NFATC2: variants seen among roughly 807,000 people sequenced by gnomAD.
NFATC2 encodes the protein nuclear factor of activated T-cells, cytoplasmic 2.
A neutral mutation model predicts 87.3 loss-of-function variants in NFATC2; 22 were observed. The ratio of observed to expected loss-of-function variants is 0.25; its 90% CI spans 0.18 to 0.36. The LOEUF is 0.36. Among genes scored for constraint, NFATC2 ranks in the 10% least tolerant of loss-of-function variants. NFATC2 has a pLI of 1.00. For missense variants in NFATC2, 1,149 were observed against 1,259.1 expected, an observed-to-expected ratio of 0.91 and a Z score of 1.32; for synonymous variants, 565 against 542.2, an observed-to-expected ratio of 1.04 and a Z score of -0.58.
At chr20:51,503,957 C>T (rs906257257) in intron 3 of NFATC2, among the ~76,000 whole-genome samples, 1 of 152,196 alleles carries the variant, frequency 6.6e-6, no homozygotes, top group African/African-American at 2.4e-5. Flanking sequence ...AATTCTCCTG[C>T]CTCAGCCTGC....
At chr20:51,530,961 A>G (rs1436744779) in intron 1 of NFATC2, among the ~76,000 whole-genome samples, 2 of 152,214 alleles carry the variant, frequency 1.3e-5, no homozygotes, top group Non-Finnish European at 2.9e-5. Flanking sequence ...ATCAATAATT[A>G]TTATGAAGAT....
intron 9 of NFATC2, among the ~76,000 whole-genome samples, chr20:51,405,387 G>A (rs929237944): frequency 2.0e-5 from 3 of 151,916 alleles, no homozygotes; most frequent in South Asian, 2.1e-4. Flanking sequence ...CATTCACCTC[G>A]AGTTCCCAGG....
chr20:51,498,495 G>A (rs1238245567), intron 3 of NFATC2, among the ~76,000 whole-genome samples: 1 of 152,040 alleles, frequency 6.6e-6, no homozygotes, highest in African/African-American at 2.4e-5. Flanking sequence ...ATCAGGCTAT[G>A]GAAAAAAAGA....
At chr20:51,549,978 A>G (rs1159853730) in intron 1 of NFATC2, among the ~76,000 whole-genome samples, 1 of 152,234 alleles carries the variant, frequency 6.6e-6, no homozygotes, top group Non-Finnish European at 1.5e-5. Flanking sequence ...CTGATAGTGT[A>G]CAAGTGCTCC....
chr20:51,492,784 CGT>C (rs2075917457), intron 3 of NFATC2, among the ~76,000 whole-genome samples: 1 of 152,234 alleles, frequency 6.6e-6, no homozygotes, highest in Non-Finnish European at 1.5e-5. Flanking sequence ...TGTCAAGAGG[CGT>C]GATAAAGCAG....
chr20:51,502,657 G>T (rs1162367134), intron 3 of NFATC2, among the ~76,000 whole-genome samples: 1 of 152,092 alleles, frequency 6.6e-6, no homozygotes, highest in Non-Finnish European at 1.5e-5. Context: ...TTTTCTGATG[G>T]ATAGAGGAAG....
chr20:51,523,153 G>C lies in NFATC2; in HGVS notation c.1088C>G (p.Ser363Trp). ...GPCEQGERRN[S>W]APESILLVPP... ...AACCAGCAGGATGGATTCTGGAGCCGAGTTTCTCCTCTCGCCCTGCTCGCA... is the reference window on the plus strand; with the variant it reads ...AACCAGCAGGATGGATTCTGGAGCCCAGTTTCTCCTCTCGCCCTGCTCGCA... The change falls in exon 2 of 11, where the codon TCG becomes TGG. Residue 363 changes from serine (S) to tryptophan (W), a missense_variant. Ser to Trp is a radical substitution (Grantham distance 177). Transcript: ENST00000371564. This position sits in a 1 kb window ranked among gnomAD's most constrained non-coding sequence, Gnocchi z 6.9. 3 of 1,614,218 alleles carry C rather than the reference G, an allele frequency of 1.9e-6. No homozygotes were observed. The highest frequency in any genetic ancestry group is 2.5e-6 in the Non-Finnish European group (3 of 1,180,042).
chr20:51,544,414 C>T (rs2076872468), upstream of NFATC2, among the ~76,000 whole-genome samples: 1 of 152,102 alleles, frequency 6.6e-6, no homozygotes, highest in Non-Finnish European at 1.5e-5. Flanking sequence ...CGAATCCTTC[C>T]CCATGTGCCA....
intron 1 of NFATC2, among the ~76,000 whole-genome samples, chr20:51,552,020 C>A (rs1215105139): frequency 1.2e-5 from 1 of 85,920 alleles, no homozygotes; most frequent in Non-Finnish European, 2.1e-5. Flanking sequence ...GAGCGAGGCT[C>A]CATCTCAAAA....
intron 3 of NFATC2, among the ~76,000 whole-genome samples, chr20:51,508,891 G>A (rs1466052939): frequency 6.6e-6 from 1 of 151,948 alleles, no homozygotes; most frequent in African/African-American, 2.4e-5. Context: ...GGCCTCTGCA[G>A]CAGCTTCTCC....
At chr20:51,419,744 A>G (rs1442491797) in intron 9 of NFATC2, among the ~76,000 whole-genome samples, 1 of 152,234 alleles carries the variant, frequency 6.6e-6, no homozygotes, top group African/African-American at 2.4e-5. Context: ...TAACACCGCA[A>G]GGAGTATCTC....
intron 9 of NFATC2, among the ~76,000 whole-genome samples, chr20:51,409,721 G>GA (rs1978898263): frequency 6.6e-6 from 1 of 152,224 alleles, no homozygotes; most frequent in Admixed American, 6.5e-5. Flanking sequence ...CCACGTGTCA[G>GA]ACGACAGTAT....
At chr20:51,493,404 G>A (rs1440442629) in intron 3 of NFATC2, among the ~76,000 whole-genome samples, 2 of 152,146 alleles carry the variant, frequency 1.3e-5, no homozygotes, top group African/African-American at 2.4e-5. Context: ...GGGGATTGGC[G>A]ACCTCACATT....
intron 10 of NFATC2, among the ~76,000 whole-genome samples, chr20:51,396,601 C>A (rs1209303874): frequency 2.0e-5 from 3 of 152,138 alleles, no homozygotes; most frequent in African/African-American, 7.2e-5. Context: ...AGGCCATGGC[C>A]AGAAAGACAC....
chr20:51,547,826 G>A (rs1393620718), intron 1 of NFATC2, among the ~76,000 whole-genome samples: 2 of 152,090 alleles, frequency 1.3e-5, no homozygotes, highest in Non-Finnish European at 2.9e-5. Flanking sequence ...TGCACCAAAT[G>A]TAACCCAAAG....
chr20:51,420,240 T>C (rs1215908783), intron 9 of NFATC2, among the ~76,000 whole-genome samples: 3 of 152,166 alleles, frequency 2.0e-5, no homozygotes, highest in Admixed American at 2.0e-4. Context: ...GAATAGAATA[T>C]CACCATTTTA....
chr20:51,399,774 C>T (rs1987791562), intron 9 of NFATC2, among the ~76,000 whole-genome samples: 1 of 152,232 alleles, frequency 6.6e-6, no homozygotes, highest in South Asian at 2.1e-4. Context: ...CCACACTAAA[C>T]TGCCCAGTCT....
upstream of NFATC2, among the ~76,000 whole-genome samples, chr20:51,545,683 G>A (rs1054759234): frequency 1.3e-5 from 2 of 151,980 alleles, no homozygotes; most frequent in Non-Finnish European, 2.9e-5. Context: ...GATGGAAGAT[G>A]GGTGGATGGA....
chr20:51,460,133 C>T (rs1986990619), intron 5 of NFATC2, among the ~76,000 whole-genome samples: 1 of 152,310 alleles, frequency 6.6e-6, no homozygotes, highest in Non-Finnish European at 1.5e-5. Context: ...AAAAATGCCC[C>T]TCTTTTTCTT....
Sources: gnomAD v4.1 joint callset for allele counts (sites outside exome capture counted in the v4.1 genomes callset) on GRCh38, gnomAD v4.1.1 for gene constraint, Gnocchi (gnomAD v3.1) non-coding constraint, MANE v1.5 for transcripts, NCBI Gene and HGNC (gene_info 2026-07-23, HGNC 2026-07-21) for gene names.